RANBP17: variants seen among roughly 807,000 people sequenced by gnomAD.
The protein encoded by RANBP17 is RAN binding protein 17.
In RANBP17, 158 loss-of-function variants were observed where a neutral mutation model predicts 141.2. That is an observed-to-expected ratio of 1.12 (90% CI 0.98 to 1.28). The LOEUF (loss-of-function observed/expected upper bound fraction) is 1.28, where lower values mean the gene tolerates loss of function less well. Ranked by LOEUF, RANBP17 falls within the 50% of genes most tolerant of loss-of-function variation. The pLI is 0.00. For missense variants in RANBP17, 1,438 were observed against 1,290.7 expected (o/e 1.11, Z -1.75); for synonymous variants, 430 against 450.0 (o/e 0.96, Z 0.56).
At chr5:170,897,256 A>G (rs1770211359) in intron 5 of RANBP17, 18 of 643,516 alleles carry the variant, frequency 2.8e-5, no homozygotes, top group South Asian at 2.5e-4. Context: ...AGAAACTCAG[A>G]AAGTTGGCAG....
intron 16 of RANBP17, among the ~76,000 whole-genome samples, chr5:171,175,359 C>T (rs950445667): frequency 2.4e-4 from 36 of 152,240 alleles, no homozygotes; most frequent in African/African-American, 8.2e-4. Context: ...GGTTCTAGAT[C>T]CTTGAGGAAT....
At chr5:171,277,641 A>ATATG (rs1767592427) in intron 25 of RANBP17, among the ~76,000 whole-genome samples, 4 of 82,562 alleles carry the variant, frequency 4.8e-5, no homozygotes, top group Admixed American at 4.1e-4. Flanking sequence ...ATGTATGTAT[A>ATATG]TATATATATA....
At chr5:171,005,898 GA>G (rs994729636) in intron 14 of RANBP17, among the ~76,000 whole-genome samples, 6 of 151,518 alleles carry the variant, frequency 4.0e-5, no homozygotes, top group Admixed American at 2.6e-4. Context: ...AAATTTACAA[GA>G]AAAAAAACAA....
intron 14 of RANBP17, among the ~76,000 whole-genome samples, chr5:170,986,456 C>T (rs1778146241): frequency 6.6e-6 from 1 of 151,864 alleles, no homozygotes. Context: ...AATTGGAATG[C>T]TCCTAACACA....
chr5:171,019,602 A>T (rs1780706296), intron 14 of RANBP17, among the ~76,000 whole-genome samples: 1 of 151,958 alleles, frequency 6.6e-6, no homozygotes, highest in Non-Finnish European at 1.5e-5. Context: ...GTCAGTGGTG[A>T]TATCCCCTTT....
At chr5:171,012,199 T>C (rs975706056) in intron 14 of RANBP17, among the ~76,000 whole-genome samples, 4 of 152,090 alleles carry the variant, frequency 2.6e-5, no homozygotes, top group South Asian at 2.1e-4. Context: ...TAAATTGTTT[T>C]GCAAAAAGAG....
At position 171,206,156 on chromosome 5, in the gene RANBP17, A is replaced by AC. The variant is rs1314416126; in HGVS notation, c.2231+550dup. The stretch of plus-strand genomic sequence containing the variant: ...AGTACAGACAGGAAAAAAAAAAAAA[A>AC]CCCCCCACAGAAATGCCTTATCATG... On this transcript the variant is annotated intron_variant, in intron 20 of 27. Transcript: ENST00000523189. 8 of 162,912 alleles carry AC rather than the reference A, an allele frequency of 4.9e-5. No homozygotes were observed. The South Asian group carries it at 7.2e-4, about 15-fold the overall frequency. 10.1% of individuals were successfully genotyped at this position (162,912 alleles called of 1,614,324 possible).
At position 171,086,471 on chromosome 5, in the gene RANBP17, G is replaced by A. The variant is rs1310387408; in HGVS notation, c.1711-83659G>A. ...AGGCTTTGGTATCAGAATGATGCTG[G>A]CCTCATAAAATGAGTTAGGGAGGAT... On this transcript the variant is annotated intron_variant, in intron 14 of 27. Transcript: ENST00000523189. Among the ~76,000 whole-genome samples, 53 of 145,464 alleles carry A rather than the reference G, an allele frequency of 3.6e-4. No homozygotes were observed. The Admixed American group carries it at 3.7e-3, about 10-fold the overall frequency.
intron 12 of RANBP17, among the ~76,000 whole-genome samples, chr5:170,938,622 A>AG (rs1410683411): frequency 2.0e-5 from 3 of 152,196 alleles, no homozygotes. Context: ...AACAACCAGG[A>AG]GGATATGAAA....
At chr5:171,032,142 A>G (rs758379444) in intron 14 of RANBP17, among the ~76,000 whole-genome samples, 12 of 152,256 alleles carry the variant, frequency 7.9e-5, no homozygotes, top group Middle Eastern at 3.4e-3. Context: ...TATCACTTTT[A>G]TAATAGTGAG....
At chr5:170,944,736 TA>T (rs560647239) in intron 12 of RANBP17, among the ~76,000 whole-genome samples, 134 of 152,324 alleles carry the variant, frequency 8.8e-4, no homozygotes, top group African/African-American at 3.1e-3. Flanking sequence ...TTTCTCTAAG[TA>T]AACTTCCTTT....
chr5:171,042,782 G>T (rs1393371438), intron 14 of RANBP17, among the ~76,000 whole-genome samples: 1 of 152,048 alleles, frequency 6.6e-6, no homozygotes, highest in Non-Finnish European at 1.5e-5. Context: ...CACTCTAGGG[G>T]GGGTCATCAT....
intron 14 of RANBP17, among the ~76,000 whole-genome samples, 193 bp from the exon 15 acceptor site, chr5:171,169,937 C>T (rs562598857): frequency 6.6e-6 from 1 of 151,666 alleles, no homozygotes; most frequent in Non-Finnish European, 1.5e-5. Flanking sequence ...AAAATAGGAG[C>T]GATCTGGAGG....
chr5:171,230,911 G>C (rs1428626933), intron 22 of RANBP17, among the ~76,000 whole-genome samples: 2 of 151,812 alleles, frequency 1.3e-5, no homozygotes, highest in Non-Finnish European at 2.9e-5. Context: ...AGAAGAGAGA[G>C]GAACAGAATT....
chr5:170,922,446 C>G (rs1184513255), intron 11 of RANBP17, among the ~76,000 whole-genome samples: 1 of 152,198 alleles, frequency 6.6e-6, no homozygotes, highest in African/African-American at 2.4e-5. Context: ...GAGGTGGAAT[C>G]TACAGAGGCT....
chr5:171,249,834 C>T (rs898351857), intron 24 of RANBP17, among the ~76,000 whole-genome samples: 7 of 152,064 alleles, frequency 4.6e-5, no homozygotes, highest in Admixed American at 4.6e-4. Flanking sequence ...GATTAGAAAG[C>T]CCATTTACAG....
intron 14 of RANBP17, among the ~76,000 whole-genome samples, chr5:170,999,148 A>G (rs1779033049): frequency 6.6e-6 from 1 of 152,060 alleles, no homozygotes. Context: ...ATTTTCTTAA[A>G]TCATTGCATT....
intron 14 of RANBP17, among the ~76,000 whole-genome samples, chr5:171,099,574 C>T (rs1786980427): frequency 6.6e-6 from 1 of 152,150 alleles, no homozygotes; most frequent in African/African-American, 2.4e-5. Flanking sequence ...TTCCTCTCTT[C>T]CTATTTGAAT....
intron 13 of RANBP17, among the ~76,000 whole-genome samples, chr5:170,961,538 T>G (rs960972720): frequency 1.3e-5 from 2 of 152,202 alleles, no homozygotes; most frequent in African/African-American, 4.8e-5. Flanking sequence ...ATCTGAAATT[T>G]GAAATGCTTC....
Sources: allele counts gnomAD v4.1 joint callset (sites outside exome capture counted in the v4.1 genomes callset), GRCh38; gene constraint gnomAD v4.1.1; transcripts MANE v1.5; gene names NCBI Gene and HGNC (gene_info 2026-07-23, HGNC 2026-07-21).